The following GOLM1 variants were observed in gnomAD, a reference collection of about 807,000 sequenced individuals.
The protein encoded by GOLM1 is golgi membrane protein 1, also known as epididymis luminal protein 46.
A neutral mutation model predicts 50.5 loss-of-function variants in GOLM1; 31 were observed. The observed-to-expected ratio is 0.61, with a 90% CI of 0.46 to 0.83. GOLM1 has a LOEUF of 0.83. Ranked by LOEUF, GOLM1 falls within the 40% of genes least tolerant of loss-of-function variation. The probability of loss-of-function intolerance (pLI) is 0.00; values close to 1 mark genes in which losing one functional copy is unlikely to be tolerated. For synonymous variants in GOLM1, 178 were observed against 192.8 expected (o/e 0.92, Z 0.64); for missense variants, 491 against 501.3 (o/e 0.98, Z 0.20).
At chr9:86,087,518 C>G (rs1207458499) in intron 1 of GOLM1, among the ~76,000 whole-genome samples, 1 of 152,170 alleles carries the variant, frequency 6.6e-6, no homozygotes, top group African/African-American at 2.4e-5. Context: ...TGTCTTGTGG[C>G]AGTTTTCAAA....
chr9:86,095,160 G>A (rs769354256), intron 1 of GOLM1, among the ~76,000 whole-genome samples: 1 of 151,706 alleles, frequency 6.6e-6, no homozygotes, highest in Non-Finnish European at 1.5e-5. Flanking sequence ...ACAAACTGCC[G>A]CCCAAGGGCC....
chr9:86,038,706 C>T (rs1564341997), intron 6 of GOLM1, among the ~76,000 whole-genome samples: 4 of 152,174 alleles, frequency 2.6e-5, no homozygotes, highest in African/African-American at 9.7e-5. Context: ...TTTCTTTCAA[C>T]AAGTGATTAC....
At chr9:86,052,669 A>AT in intron 3 of GOLM1, 78 bp from the exon 4 acceptor site, 1 of 1,168,210 alleles carries the variant, frequency 8.6e-7, no homozygotes, top group East Asian at 2.3e-5. Flanking sequence ...CAAACCAATG[A>AT]TGGGGCCTGT....
intron 5 of GOLM1, among the ~76,000 whole-genome samples, chr9:86,042,964 G>A (rs1833408175): frequency 6.6e-6 from 1 of 152,154 alleles, no homozygotes; most frequent in Admixed American, 6.5e-5. Flanking sequence ...AGCACTAACT[G>A]GAGCTAAATT....
At chr9:86,075,428 G>C (rs2118840412) in intron 3 of GOLM1, among the ~76,000 whole-genome samples, 1 of 152,292 alleles carries the variant, frequency 6.6e-6, no homozygotes, top group African/African-American at 2.4e-5. Flanking sequence ...TTTCATTCTA[G>C]GTTGAGCACT....
chr9:86,053,738 A>ACCAAAC, intron 3 of GOLM1, among the ~76,000 whole-genome samples: 1 of 2,194 alleles, frequency 4.6e-4, no homozygotes, highest in Admixed American at 5.7e-3. Context: ...TCCACTCCAC[A>ACCAAAC]CACACCACAC....
At chr9:86,060,955 C>CT (rs1183703403) in intron 3 of GOLM1, among the ~76,000 whole-genome samples, 1 of 137,028 alleles carries the variant, frequency 7.3e-6, no homozygotes, top group South Asian at 2.5e-4. Flanking sequence ...AATGTTGTGA[C>CT]TGACACTGAA....
Position 86,088,420 on chromosome 9 carries a change from G to GTATATATATATA in GOLM1, c.-21-9091_-21-9080dup, listed in dbSNP as rs71505775. On this transcript the variant is annotated intron_variant, in intron 1 of 9. Transcript: ENST00000388712. ...TGGATTCGTTGTTTTTTTGAAGGGT[G>GTATATATATATA]TATATATATATATATATATATATAT... Among the ~76,000 whole-genome samples the GTATATATATATA allele has an allele frequency of 4.5e-3, 390 of 86,220 alleles. 1 individual carries two copies. Among genetic ancestry groups the GTATATATATATA allele is most frequent in the African/African-American group, 9.6e-3 (167 of 17,364 alleles). The allele number at this position is 86,220 out of a possible 152,430, so 56.6% of individuals were successfully genotyped here. A position where few individuals can be genotyped will look rare whatever the true frequency, so the allele number is the denominator to read the frequency against.
At chr9:86,052,112 C>T (rs1400562326) in intron 4 of GOLM1, among the ~76,000 whole-genome samples, 1 of 152,142 alleles carries the variant, frequency 6.6e-6, no homozygotes, top group Admixed American at 6.5e-5. Flanking sequence ...GAAGACCAAT[C>T]CCCAGCTGCC....
At chr9:86,044,039 C>A (rs1353475612) in intron 5 of GOLM1, among the ~76,000 whole-genome samples, 1 of 152,190 alleles carries the variant, frequency 6.6e-6, no homozygotes, top group African/African-American at 2.4e-5. Flanking sequence ...GTTTCTCAAC[C>A]TTAGCACTGT....
chr9:86,036,676 A>C (rs1833156772), intron 6 of GOLM1, 169 bp from the exon 7 acceptor site: 1 of 641,728 alleles, frequency 1.6e-6, no homozygotes, highest in Non-Finnish European at 2.6e-6. Flanking sequence ...CATGTGGCGT[A>C]AATCAGAAGA....
At chr9:86,098,492 G>C (rs7857350) in intron 1 of GOLM1, among the ~76,000 whole-genome samples, 36,756 of 152,148 alleles carry the variant, frequency 0.24, 7,551 homozygotes, top group African/African-American at 0.54. Context: ...CCTCAATAAT[G>C]TGCATAATGT....
rs142639584 is a variant in GOLM1, at chr9:86,061,848, T to G, written c.310-9257A>C. ...GTGGCTAAAGGTTTAGGGGATAGAG[T>G]CAAATGTCAGCGTAAATGGTAGGAT... On this transcript the variant is annotated intron_variant, in intron 3 of 9. Coordinates refer to ENST00000388712, the MANE Select transcript of GOLM1 (RefSeq NM_016548.4). Among the ~76,000 whole-genome samples, 11 of 151,690 alleles carry G rather than the reference T, an allele frequency of 7.3e-5. No individual in the cohort carries two copies. In the East Asian group the frequency reaches 2.1e-3, roughly 29 times the overall value.
At chr9:86,059,973 C>A (rs1587718505) in intron 3 of GOLM1, among the ~76,000 whole-genome samples, 1 of 141,530 alleles carries the variant, frequency 7.1e-6, no homozygotes, top group African/African-American at 2.8e-5. Flanking sequence ...CATACCCAAA[C>A]CACTGAGATG....
intron 3 of GOLM1, among the ~76,000 whole-genome samples, chr9:86,069,628 C>G (rs540083549): frequency 1.3e-5 from 2 of 152,328 alleles, no homozygotes; most frequent in East Asian, 3.9e-4. Context: ...GAGGTTCCTC[C>G]TCTCATCCAG....
At chr9:86,056,377 A>G (rs543949653) in intron 3 of GOLM1, among the ~76,000 whole-genome samples, 1 of 151,692 alleles carries the variant, frequency 6.6e-6, no homozygotes, top group East Asian at 1.9e-4. Flanking sequence ...ATATTTATAG[A>G]AATTTTGTTG....
At chr9:86,053,595 T>TCCACACACACATCACACA (rs1771802549) in intron 3 of GOLM1, among the ~76,000 whole-genome samples, 4 of 2,032 alleles carry the variant, frequency 2.0e-3, no homozygotes, top group African/African-American at 2.7e-3. Context: ...ACCACACCAC[T>TCCACACACACATCACACA]CCACACACAC....
chr9:86,062,950 C>T (rs558330723), intron 3 of GOLM1, among the ~76,000 whole-genome samples: 4 of 152,312 alleles, frequency 2.6e-5, no homozygotes, highest in African/African-American at 9.6e-5. Flanking sequence ...CTGAAGGTCT[C>T]CTCATCACCC....
intron 2 of GOLM1, chr9:86,077,944 A>C (rs984177768): frequency 3.8e-4 from 87 of 227,612 alleles, no homozygotes; most frequent in Non-Finnish European, 7.7e-5. Flanking sequence ...AGCACTTAAC[A>C]ACTCTTTAGC....
Sources: gnomAD v4.1 joint callset for allele counts (sites outside exome capture counted in the v4.1 genomes callset) on GRCh38, gnomAD v4.1.1 for gene constraint, MANE v1.5 for transcripts, NCBI Gene and HGNC (gene_info 2026-07-23, HGNC 2026-07-21) for gene names.